CTIF: variants seen among roughly 807,000 people sequenced by gnomAD.
The protein encoded by CTIF is cap binding complex dependent translation initiation factor, also known as CBP80/20-dependent translation initiation factor.
Under a neutral mutation model 66.0 loss-of-function variants are expected in CTIF, and 21 were observed. The ratio of observed to expected loss-of-function variants is 0.32; its 90% confidence interval spans 0.23 to 0.46. The LOEUF is 0.46. Ranked by LOEUF, CTIF falls within the 20% of genes least tolerant of loss-of-function variation. The probability of loss-of-function intolerance (pLI) is 1.00; values close to 1 mark genes in which losing one functional copy is unlikely to be tolerated. For missense variants in CTIF, 739 were observed against 812.7 expected (o/e 0.91, Z 1.10); for synonymous variants, 345 against 326.4 (o/e 1.06, Z -0.62).
intron 9 of CTIF, among the ~76,000 whole-genome samples, chr18:48,776,497 C>G (rs940739872): frequency 1.3e-5 from 2 of 152,258 alleles, no homozygotes; most frequent in African/African-American, 4.8e-5. Flanking sequence ...CCTTTTCCTC[C>G]CCTCCCTCAA....
chr18:48,625,367 A>G (rs1366252062), intron 2 of CTIF: 3 of 218,370 alleles, frequency 1.4e-5, no homozygotes, highest in African/African-American at 2.3e-5. Context: ...ACAAGAATTC[A>G]GATATTAATA....
At chr18:48,598,677 C>T (rs1389114511) in intron 1 of CTIF, among the ~76,000 whole-genome samples, 1 of 152,178 alleles carries the variant, frequency 6.6e-6, no homozygotes. Flanking sequence ...GGCTCCTGTA[C>T]TTACCATTGT....
chr18:48,592,454 G>A (rs1215024864), intron 1 of CTIF, among the ~76,000 whole-genome samples: 12 of 149,460 alleles, frequency 8.0e-5, no homozygotes, highest in East Asian at 1.9e-4. Flanking sequence ...CCGAGATTGC[G>A]CCATTGAACT....
rs147215435 is a variant in CTIF at position 48,850,575 on chromosome 18, G to A, written c.1528-7013G>A. ...ACAAGACTGGAAAGGTTCTTCCCTT[G>A]GGATGATACCCACTAAAGGCAAGTT... On this transcript the variant is annotated intron_variant, in intron 10 of 11. Coordinates refer to ENST00000256413, the MANE Select transcript of CTIF (RefSeq NM_014772.3). Among the ~76,000 whole-genome samples the A allele has an allele frequency of 4.0e-4, 61 of 152,330 alleles. No homozygotes were observed. The East Asian group carries it at 0.011, about 28-fold the overall frequency.
intron 1 of CTIF, among the ~76,000 whole-genome samples, chr18:48,594,495 C>T (rs2089954409): frequency 6.6e-6 from 1 of 152,138 alleles, no homozygotes; most frequent in African/African-American, 2.4e-5. Context: ...GGGCTGAGGC[C>T]TGAGCTGTTT....
intron 5 of CTIF, among the ~76,000 whole-genome samples, chr18:48,669,102 C>G (rs972634009): frequency 1.3e-5 from 2 of 152,278 alleles, no homozygotes; most frequent in South Asian, 4.1e-4. Flanking sequence ...CGTGCTGCCC[C>G]CAGTGGTGCT....
At chr18:48,552,348 A>G (rs2088904441) in intron 1 of CTIF, among the ~76,000 whole-genome samples, 1 of 152,220 alleles carries the variant, frequency 6.6e-6, no homozygotes, top group African/African-American at 2.4e-5. Flanking sequence ...GCTCTCTAGA[A>G]AGAACTGTGT....
intron 10 of CTIF, among the ~76,000 whole-genome samples, chr18:48,842,288 G>A (rs189826511): frequency 6.6e-6 from 1 of 152,110 alleles, no homozygotes; most frequent in South Asian, 2.1e-4. Context: ...GGTGGGGCCT[G>A]AGTGTGAAAA....
intron 9 of CTIF, among the ~76,000 whole-genome samples, chr18:48,764,145 G>C (rs1319838628): frequency 2.0e-5 from 3 of 152,108 alleles, no homozygotes; most frequent in African/African-American, 2.4e-5. Flanking sequence ...CCTACTTCAG[G>C]TGGTGCTAGG....
chr18:48,579,274 G>C (rs1333246947), intron 1 of CTIF, among the ~76,000 whole-genome samples: 3 of 152,074 alleles, frequency 2.0e-5, no homozygotes, highest in Non-Finnish European at 4.4e-5. Flanking sequence ...AGCCTCCTGA[G>C]TAGCTGGGAC....
At chr18:48,559,363 C>T (rs371454289) in intron 1 of CTIF, among the ~76,000 whole-genome samples, 2 of 152,070 alleles carry the variant, frequency 1.3e-5, no homozygotes, top group African/African-American at 4.8e-5. Flanking sequence ...ACCACCCCCC[C>T]CAATCCTAAC....
chr18:48,584,212 A>G (rs940673441), intron 1 of CTIF, among the ~76,000 whole-genome samples: 2 of 152,184 alleles, frequency 1.3e-5, no homozygotes, highest in African/African-American at 4.8e-5. Flanking sequence ...GCGCGACTGT[A>G]TATGATCACC....
intron 1 of CTIF, among the ~76,000 whole-genome samples, chr18:48,609,674 G>A (rs1314154606): frequency 1.3e-5 from 2 of 152,226 alleles, no homozygotes; most frequent in African/African-American, 4.8e-5. Flanking sequence ...AGTGGGGGCA[G>A]TGAGGAAGCC....
chr18:48,857,349 G>A (rs960561471), intron 10 of CTIF, among the ~76,000 whole-genome samples: 4 of 152,316 alleles, frequency 2.6e-5, no homozygotes, highest in East Asian at 1.9e-4. Flanking sequence ...GCTCCACATC[G>A]CACCATCACA....
chr18:48,753,329 G>C (rs1908019261), intron 7 of CTIF, among the ~76,000 whole-genome samples: 1 of 152,194 alleles, frequency 6.6e-6, no homozygotes, highest in Non-Finnish European at 1.5e-5. Context: ...AGAATATCTA[G>C]TTGGGAACGA....
rs1203311270 is a variant in CTIF, at chr18:48,713,488, G to A, written c.584+1793G>A. Among the ~76,000 whole-genome samples the A allele has an allele frequency of 2.0e-5, 3 of 152,190 alleles. 1 individual carries two copies. Among genetic ancestry groups the A allele is most frequent in the South Asian group, 4.2e-4 (2 of 4,790 alleles). ...GACCCAGGGATGTAGGAAGAGGAGC[G>A]CGGCATGCAACGGCTGGGAAGCCGA... On this transcript the variant is annotated intron_variant, in intron 7 of 11. Coordinates refer to ENST00000256413, the MANE Select transcript of CTIF (RefSeq NM_014772.3).
intron 7 of CTIF, among the ~76,000 whole-genome samples, chr18:48,751,218 A>G (rs1907780253): frequency 6.6e-6 from 1 of 152,142 alleles, no homozygotes; most frequent in Admixed American, 6.5e-5. Context: ...CGTTTGGTTT[A>G]TGCTCCAATA....
At chr18:48,687,607 A>G (rs1478061484) in intron 6 of CTIF, among the ~76,000 whole-genome samples, 2 of 152,194 alleles carry the variant, frequency 1.3e-5, no homozygotes, top group African/African-American at 4.8e-5. Context: ...GCAAGCCTCC[A>G]GAGCCCTGGG....
chr18:48,706,813 G>A (rs911601555), intron 6 of CTIF, among the ~76,000 whole-genome samples: 2 of 152,218 alleles, frequency 1.3e-5, no homozygotes, highest in Non-Finnish European at 2.9e-5. Context: ...CTCTGCCGGC[G>A]CTGCATGTGG....
Sources: gnomAD v4.1 joint callset for allele counts (sites outside exome capture counted in the v4.1 genomes callset) on GRCh38, gnomAD v4.1.1 for gene constraint, MANE v1.5 for transcripts, NCBI Gene and HGNC (gene_info 2026-07-23, HGNC 2026-07-21) for gene names.